TBC1D32: variants seen among roughly 807,000 people sequenced by gnomAD.
TBC1D32 encodes the protein protein broad-minded.
In TBC1D32, 151 loss-of-function variants were observed where a neutral mutation model predicts 170.3. The ratio of observed to expected loss-of-function variants is 0.89; its 90% CI spans 0.78 to 1.01. TBC1D32 has a LOEUF of 1.01. Among genes scored for constraint, TBC1D32 ranks in the 50% least tolerant of loss-of-function variants. TBC1D32 has a pLI of 0.00. For synonymous variants in TBC1D32, 498 were observed against 488.0 expected (o/e 1.02, Z -0.27); for missense variants, 1,464 against 1,457.1 (o/e 1.00, Z -0.08).
chr6:121,307,439 G>A (rs746597836), intron 5 of TBC1D32, among the ~76,000 whole-genome samples: 40 of 152,000 alleles, frequency 2.6e-4, no homozygotes, highest in Non-Finnish European at 5.4e-4. Flanking sequence ...AATGCACAAG[G>A]TAGCAGTGTA....
intron 30 of TBC1D32, among the ~76,000 whole-genome samples, chr6:121,103,040 T>C (rs1052168976): frequency 3.9e-5 from 6 of 152,064 alleles, no homozygotes; most frequent in African/African-American, 1.4e-4. Flanking sequence ...TGAGATACCA[T>C]CTCATGCCAG....
chr6:121,320,744 C>G (rs1429703923), intron 2 of TBC1D32, among the ~76,000 whole-genome samples: 2 of 152,232 alleles, frequency 1.3e-5, no homozygotes, highest in East Asian at 3.9e-4. Context: ...AGAGGAAGAG[C>G]TCCTGTCCAA....
intron 15 of TBC1D32, among the ~76,000 whole-genome samples, chr6:121,262,744 G>T (rs4543411): frequency 0.88 from 134,569 of 152,220 alleles, 59,932 homozygotes; most frequent in East Asian, 0.98. Flanking sequence ...CCCAAAGTGC[G>T]AGGATTACAG....
intron 15 of TBC1D32, among the ~76,000 whole-genome samples, chr6:121,268,897 G>A (rs995454494): frequency 6.6e-5 from 10 of 152,304 alleles, no homozygotes; most frequent in Middle Eastern, 6.8e-3. Context: ...AAGCCCATCA[G>A]ACTAACAGCG....
At chr6:121,178,675 T>A (rs376565323) in intron 22 of TBC1D32, among the ~76,000 whole-genome samples, 1 of 152,096 alleles carries the variant, frequency 6.6e-6, no homozygotes, top group Non-Finnish European at 1.5e-5. Context: ...CTCTAACCAA[T>A]GGAGTATGGT....
At chr6:121,286,564 T>C (rs934449496) in intron 12 of TBC1D32, among the ~76,000 whole-genome samples, 2 of 152,124 alleles carry the variant, frequency 1.3e-5, no homozygotes, top group African/African-American at 4.8e-5. Flanking sequence ...TGGAACCAAG[T>C]TGGAAAACAC....
At chr6:121,097,404 A>G (rs1338635385) in intron 30 of TBC1D32, among the ~76,000 whole-genome samples, 1 of 152,204 alleles carries the variant, frequency 6.6e-6, no homozygotes, top group Non-Finnish European at 1.5e-5. Context: ...ACACTTCTCA[A>G]AAGAAGACAT....
intron 15 of TBC1D32, among the ~76,000 whole-genome samples, chr6:121,264,368 G>A (rs949027334): frequency 2.6e-5 from 4 of 151,636 alleles, no homozygotes; most frequent in African/African-American, 9.7e-5. Context: ...CTCCCAAGAA[G>A]AAGTCAAATC....
intron 31 of TBC1D32, among the ~76,000 whole-genome samples, chr6:121,082,862 G>A (rs953271023): frequency 6.6e-6 from 1 of 151,702 alleles, no homozygotes. Flanking sequence ...GACACATAAG[G>A]CTATTAACGT....
chr6:121,247,412 GA>G (rs148454343), intron 17 of TBC1D32, among the ~76,000 whole-genome samples: 1,931 of 144,380 alleles, frequency 0.013, 40 homozygotes, highest in African/African-American at 0.046. Context: ...ATAACACAAT[GA>G]AAAAAAAAAG....
chr6:121,160,013 GT>G lies in TBC1D32; in HGVS notation c.2769del (p.Lys923AsnfsTer23). 6.3e-7 allele frequency: 1 copy of G among 1,588,766 alleles called. No individual in the cohort carries two copies. Among genetic ancestry groups the G allele is most frequent in the Non-Finnish European group, 8.6e-7 (1 of 1,159,330 alleles). ...CATTTGATGGTAAATATTTTACCTT[GT>G]TTTATACCAGCATTTCTTGTAATGT... is the stretch of plus-strand genomic sequence containing the variant. Reference protein sequence around the residue: ...LSDITRNAGIKQDNDLDKLLL... With the variant: ...LSDITRNAGIXQDNDLDKLLL... On this transcript the variant is annotated frameshift_variant, in exon 24 of 32. Transcript: ENST00000398212. LOFTEE classifies it high-confidence loss of function.
chr6:121,238,320 A>G (rs149323289), intron 20 of TBC1D32, among the ~76,000 whole-genome samples: 1 of 151,864 alleles, frequency 6.6e-6, no homozygotes, highest in East Asian at 1.9e-4. Context: ...ACTTCCCTCT[A>G]TTTTCTGCCT....
intron 20 of TBC1D32, among the ~76,000 whole-genome samples, chr6:121,229,306 T>C (rs1168141702): frequency 1.3e-5 from 2 of 152,164 alleles, no homozygotes; most frequent in Admixed American, 6.6e-5. Flanking sequence ...TTTTCAAGAC[T>C]TGATATGTCA....
chr6:121,231,392 G>C (rs1413156013), intron 20 of TBC1D32, among the ~76,000 whole-genome samples: 1 of 152,160 alleles, frequency 6.6e-6, no homozygotes, highest in African/African-American at 2.4e-5. Flanking sequence ...GCATTTGCAA[G>C]TATCTTTTTT....
chr6:121,131,375 C>A (rs1781421232), intron 25 of TBC1D32, among the ~76,000 whole-genome samples: 1 of 151,160 alleles, frequency 6.6e-6, no homozygotes, highest in Admixed American at 6.6e-5. Flanking sequence ...AAAAACCAAG[C>A]AAATTGCTAC....
rs35946120 is a variant in TBC1D32 at position 121,240,357 on chromosome 6, ATTTTTTTTTT to A, written c.2245+1098_2245+1107del. The stretch of plus-strand genomic sequence containing the variant: ...AAAATTAGTGGTTCAGTTTAGGACA[ATTTTTTTTTT>A]TTTTTTTTTTTTTTTTTTACCAAGA... On this transcript the variant is annotated intron_variant, in intron 19 of 31. Coordinates refer to ENST00000398212, the MANE Select transcript of TBC1D32 (RefSeq NM_152730.6). Among the ~76,000 whole-genome samples, 73 of 75,300 alleles carry A rather than the reference ATTTTTTTTTT, an allele frequency of 9.7e-4. 3 individuals carry two copies. The South Asian group carries it at 0.033, about 34-fold the overall frequency. The allele number at this position is 75,300 out of a possible 152,430, so 49.4% of individuals were successfully genotyped here.
At chr6:121,259,510 T>C (rs1799492406) in intron 15 of TBC1D32, among the ~76,000 whole-genome samples, 1 of 152,234 alleles carries the variant, frequency 6.6e-6, no homozygotes. Context: ...TCTAGTGAAA[T>C]ATGGCAGACT....
At chr6:121,285,443 T>C (rs1321970195) in intron 12 of TBC1D32, among the ~76,000 whole-genome samples, 1 of 152,238 alleles carries the variant, frequency 6.6e-6, no homozygotes. Context: ...CCCAGTCCCT[T>C]AGGTTTTTGG....
intron 15 of TBC1D32, among the ~76,000 whole-genome samples, chr6:121,266,973 T>A (rs1158320041): frequency 6.6e-6 from 1 of 151,022 alleles, no homozygotes; most frequent in South Asian, 2.1e-4. Context: ...CAGGGCTTAA[T>A]ACCTAAGTGA....
Sources: gnomAD v4.1 joint callset for allele counts (sites outside exome capture counted in the v4.1 genomes callset) on GRCh38, gnomAD v4.1.1 for gene constraint, MANE v1.5 for transcripts, NCBI Gene and HGNC (gene_info 2026-07-23, HGNC 2026-07-21) for gene names.